MYH9: variants seen among roughly 807,000 people sequenced by gnomAD.
MYH9 encodes the protein myosin-9.
In MYH9, 29 loss-of-function variants were observed where a neutral mutation model predicts 241.9. The observed-to-expected ratio is 0.12, with a 90% CI of 0.09 to 0.16. The LOEUF (loss-of-function observed/expected upper bound fraction) is 0.16. MYH9 is among the 10% of genes least tolerant of loss of function. MYH9 has a pLI of 1.00. For synonymous variants in MYH9, 1,047 were observed against 1,062.6 expected (o/e 0.99, Z 0.29); for missense variants, 1,803 against 2,595.5 (o/e 0.69, Z 6.63).
intron 1 of MYH9, among the ~76,000 whole-genome samples, chr22:36,381,678 A>AT (rs887050378): frequency 3.7e-4 from 57 of 152,270 alleles, no homozygotes; most frequent in African/African-American, 1.3e-3. Context: ...ACGAAGCACC[A>AT]TTTACACTAC....
intron 24 of MYH9, among the ~76,000 whole-genome samples, chr22:36,298,639 C>T (rs541913502): frequency 1.8e-4 from 27 of 152,284 alleles, no homozygotes; most frequent in East Asian, 7.7e-4. Flanking sequence ...CGGCACACAA[C>T]AGAGCAATGC....
At chr22:36,384,017 T>G (rs1168603724) in intron 1 of MYH9, among the ~76,000 whole-genome samples, 1 of 148,558 alleles carries the variant, frequency 6.7e-6, no homozygotes. Context: ...ACGCCTGTAA[T>G]CCTAGCACTC....
intron 2 of MYH9, among the ~76,000 whole-genome samples, chr22:36,344,636 A>T (rs1681954149): frequency 6.6e-6 from 1 of 152,250 alleles, no homozygotes; most frequent in Non-Finnish European, 1.5e-5. Context: ...GGTGACAGCA[A>T]GGAAGCAAAA....
At chr22:36,387,614 C>A (rs2146435872) in intron 1 of MYH9, among the ~76,000 whole-genome samples, 193 bp downstream of exon 1, 1 of 151,644 alleles carries the variant, frequency 6.6e-6, no homozygotes, top group South Asian at 2.1e-4. Context: ...TCCCCGAGCG[C>A]CCGCGTGGGG....
At chr22:36,294,506 T>C (rs1250120590) in intron 27 of MYH9, among the ~76,000 whole-genome samples, 1 of 152,244 alleles carries the variant, frequency 6.6e-6, no homozygotes, top group South Asian at 2.1e-4. Flanking sequence ...CTGTCTTCAC[T>C]GCTTAGGACA....
intron 40 of MYH9, 37 bp downstream of exon 40, chr22:36,284,056 T>C (rs771890922): frequency 2.4e-6 from 3 of 1,255,472 alleles, no homozygotes; most frequent in Non-Finnish European, 3.4e-6. Flanking sequence ...TTGAGAGAAG[T>C]GCCGAGGCAA....
intron 5 of MYH9, among the ~76,000 whole-genome samples, chr22:36,324,806 G>A (rs76520831): frequency 0.024 from 3,648 of 152,308 alleles, 140 homozygotes; most frequent in African/African-American, 0.082. Flanking sequence ...GGGCAGGGAC[G>A]GGGTGCCTAC....
In MYH9 at chr22:36,288,016, G is replaced by A. The variant is rs2016617341; in HGVS notation, c.4932+236C>T. Among the ~76,000 whole-genome samples the A allele has an allele frequency of 6.6e-6, 1 of 152,190 alleles. No homozygotes were observed. ...TCTAGGCTTGTACTTGTTTGCTTCT[G>A]TGTTTTATGTACCCAGTCATACACC... On this transcript the variant is annotated intron_variant, in intron 34 of 40. Transcript: ENST00000216181. The surrounding 1 kb of genome is among the most constrained non-coding windows in gnomAD (Gnocchi z 4.8).
intron 5 of MYH9, 75 bp downstream of exon 5, chr22:36,326,493 C>A (rs774427481): frequency 3.1e-6 from 4 of 1,305,798 alleles, no homozygotes; most frequent in Middle Eastern, 1.8e-4. Flanking sequence ...GAAGCCGGGA[C>A]CACTAAGTGC....
intron 10 of MYH9, 123 bp downstream of exon 10, chr22:36,319,417 A>G: frequency 1.1e-6 from 1 of 927,478 alleles, no homozygotes; most frequent in Non-Finnish European, 1.7e-6. Context: ...TGTATAGAAA[A>G]TACCGACAGA....
At chr22:36,314,417 G>T (rs534959592) in intron 12 of MYH9, 99 bp from the exon 13 acceptor site, 1 of 1,430,530 alleles carries the variant, frequency 7.0e-7, no homozygotes, top group East Asian at 2.4e-5. Flanking sequence ...TACAGGAAGG[G>T]CCTCCTTGGG....
chr22:36,282,719 G>A lies in MYH9; in HGVS notation c.5832C>T (p.Asp1944=), dbSNP rs761625286. The change falls in exon 41 of 41, where the codon GAC becomes GAT. Residue 1944 remains aspartate (D), a synonymous_variant. Transcript: ENST00000216181. ...CATCCGCTTTGCCATCTACCTCTTCGTCGGAGCCATCCCCGGCGCCTTTCC... is the reference window on the plus strand; with the variant it reads ...CATCCGCTTTGCCATCTACCTCTTCATCGGAGCCATCCCCGGCGCCTTTCC... ...MARKGAGDGS[D]EEVDGKADGA... is the part of the protein sequence containing the mutation. The A allele has an allele frequency of 9.9e-6, 16 of 1,613,974 alleles. No homozygotes were observed. The highest frequency in any genetic ancestry group is 1.6e-4 in the Middle Eastern group (1 of 6,062).
In MYH9 at chr22:36,293,648, A is replaced by G. The variant is rs1039956563; in HGVS notation, c.3942+111T>C. On this transcript the variant is annotated intron_variant, in intron 29 of 40. Transcript: ENST00000216181. The surrounding 1 kb of genome is among the most constrained non-coding windows in gnomAD (Gnocchi z 5.1). ...ACGCAGAGACCCACCCACAGGATGAAGCAGATGAAGGAGAGGATGGGCAAT... is the reference window on the plus strand; with the variant it reads ...ACGCAGAGACCCACCCACAGGATGAGGCAGATGAAGGAGAGGATGGGCAAT... 9.8e-6 allele frequency: 13 copies of G among 1,325,028 alleles called. No individual in the cohort carries two copies. The African/African-American group carries it at 1.7e-4, about 18-fold the overall frequency. The allele number at this position is 1,325,028 out of a possible 1,614,324, so 82.1% of individuals were successfully genotyped here.
chr22:36,301,608 C>G lies in MYH9; in HGVS notation c.2557G>C (p.Glu853Gln). ...TGCTTCTCTCTGACCTTCACCAGCT[C>G]CTCCTCCTTGGCCATCATCTCCTCC... is the stretch of plus-strand genomic sequence containing the variant. Reference protein sequence around the residue: ...QEEEMMAKEEELVKVREKQLA... With the variant: ...QEEEMMAKEEQLVKVREKQLA... Residue 853 changes from glutamate (E) to glutamine (Q), a missense_variant, in exon 21 of 41, where the codon GAG becomes CAG. Glu to Gln is a conservative substitution (Grantham distance 29, BLOSUM62 2). Around this residue, in one of 11 missense-constraint regions of MYH9, gnomAD observed 290 missense variants for 360.5 expected, o/e 0.80. Transcript: ENST00000216181. 1 of 1,614,058 alleles carries G rather than the reference C, an allele frequency of 6.2e-7. No homozygotes were observed. Among genetic ancestry groups the G allele is most frequent in the Non-Finnish European group, 8.5e-7 (1 of 1,180,034 alleles).
At chr22:36,317,708 C>T (rs2017180634) in intron 11 of MYH9, among the ~76,000 whole-genome samples, 5 of 152,234 alleles carry the variant, frequency 3.3e-5, no homozygotes, top group African/African-American at 7.2e-5. Context: ...ACCTCCACTC[C>T]AGGGGCAGGC....
intron 25 of MYH9, among the ~76,000 whole-genome samples, chr22:36,296,477 C>G (rs1482273522): frequency 6.6e-6 from 1 of 151,046 alleles, no homozygotes. Flanking sequence ...CTCAAGTGAT[C>G]CACCCGGCTT....
chr22:36,319,690 G>A (rs1377364807), intron 9 of MYH9, 55 bp from the exon 10 acceptor site: 12 of 1,539,968 alleles, frequency 7.8e-6, no homozygotes, highest in African/African-American at 5.5e-5. Flanking sequence ...GGTGATTCCC[G>A]GGGGTGGGGG....
chr22:36,288,594 A>C lies in MYH9; in HGVS notation c.4770+133T>G, dbSNP rs1360480020. On this transcript the variant is annotated intron_variant, in intron 33 of 40. Transcript: ENST00000216181. This position sits in a 1 kb window ranked among gnomAD's most constrained non-coding sequence, Gnocchi z 4.8. ...TCACTGAACCCCGAGACAGGAGGCTAGAAAGAAGGAATATGGGAGGGGAGG... is the reference window on the plus strand; with the variant it reads ...TCACTGAACCCCGAGACAGGAGGCTCGAAAGAAGGAATATGGGAGGGGAGG... 7.6e-6 allele frequency: 10 copies of C among 1,319,518 alleles called. No homozygotes were observed. The highest frequency in any genetic ancestry group is 1.1e-5 in the Non-Finnish European group (10 of 928,962). The allele number at this position is 1,319,518 out of a possible 1,614,324, so 81.7% of individuals were successfully genotyped here.
At chr22:36,313,718 A>G (rs2017104869) in intron 13 of MYH9, among the ~76,000 whole-genome samples, 2 of 152,146 alleles carry the variant, frequency 1.3e-5, no homozygotes, top group Admixed American at 6.5e-5. Flanking sequence ...AGAGCACTCA[A>G]TGCCCAGGGT....
Sources: allele counts gnomAD v4.1 joint callset (sites outside exome capture counted in the v4.1 genomes callset), GRCh38; gene constraint gnomAD v4.1.1; regional missense constraint gnomAD v4.1.1; non-coding constraint Gnocchi (gnomAD v3.1); transcripts MANE v1.5; gene names NCBI Gene and HGNC (gene_info 2026-07-23, HGNC 2026-07-21).